The following CMTM8 variants were observed in gnomAD, a reference collection of about 807,000 sequenced individuals.
CMTM8 encodes the protein CKLF like MARVEL transmembrane domain containing 8, also known as CKLF-like MARVEL transmembrane domain-containing protein 8.
A neutral mutation model predicts 18.6 loss-of-function variants in CMTM8; 12 were observed. The observed-to-expected ratio is 0.65, with a 90% CI of 0.41 to 1.05. CMTM8 has a LOEUF of 1.05. CMTM8 is among the 50% of genes least tolerant of loss of function. The pLI is 0.00. For missense variants in CMTM8, 217 were observed against 227.2 expected (o/e 0.95, Z 0.29); for synonymous variants, 87 against 90.6 (o/e 0.96, Z 0.23).
chr3:32,368,016 C>A (rs757992098), intron 3 of CMTM8, 28 bp downstream of exon 3: 37 of 1,410,682 alleles, frequency 2.6e-5, no homozygotes, highest in Non-Finnish European at 3.2e-5. Flanking sequence ...CCCACATGAT[C>A]CTCCTCTTCC....
chr3:32,298,939 ATGTATATATATATATATT>A (rs1559373431), intron 1 of CMTM8, among the ~76,000 whole-genome samples: 79 of 69,564 alleles, frequency 1.1e-3, no homozygotes, highest in African/African-American at 3.0e-3. Flanking sequence ...ATATATATAT[ATGTATATATATATATATT>A]TTTTTTTTTT....
intron 1 of CMTM8, among the ~76,000 whole-genome samples, chr3:32,258,530 G>T (rs1161333952): frequency 6.6e-6 from 1 of 151,820 alleles, no homozygotes; most frequent in Non-Finnish European, 1.5e-5. Context: ...TGTTTTGTTT[G>T]TGATAGTCTT....
chr3:32,292,418 G>A (rs1050049330), intron 1 of CMTM8, among the ~76,000 whole-genome samples: 7 of 152,116 alleles, frequency 4.6e-5, no homozygotes, highest in African/African-American at 1.7e-4. Context: ...TTTCCCATAT[G>A]TTGCAACTTT....
At chr3:32,314,474 C>G (rs1366421058) in intron 1 of CMTM8, among the ~76,000 whole-genome samples, 1 of 114,608 alleles carries the variant, frequency 8.7e-6, no homozygotes, top group Non-Finnish European at 1.8e-5. Context: ...CAGAGTAAGC[C>G]AGAAAATTTT....
At chr3:32,346,041 A>C (rs59472236) in intron 1 of CMTM8, among the ~76,000 whole-genome samples, 12,304 of 152,160 alleles carry the variant, frequency 0.081, 585 homozygotes, top group East Asian at 0.18. Context: ...GTAGTCCCAC[A>C]GGCTTGGGAG....
At chr3:32,258,583 C>G (rs1702205898) in intron 1 of CMTM8, among the ~76,000 whole-genome samples, 1 of 152,054 alleles carries the variant, frequency 6.6e-6, no homozygotes, top group African/African-American at 2.4e-5. Context: ...GATCACAGTT[C>G]ACTAAAGCCT....
intron 1 of CMTM8, among the ~76,000 whole-genome samples, chr3:32,351,822 A>C (rs972953771): frequency 1.3e-5 from 2 of 152,146 alleles, no homozygotes; most frequent in Admixed American, 1.3e-4. Context: ...GTTGGTTACC[A>C]TCTCTCTTAT....
chr3:32,245,859 G>A (rs1702008383), intron 1 of CMTM8, among the ~76,000 whole-genome samples: 1 of 152,072 alleles, frequency 6.6e-6, no homozygotes, highest in African/African-American at 2.4e-5. Context: ...GAGTGCAGTG[G>A]CGTGATCTTA....
Position 32,239,014 on chromosome 3 carries a change from C to T in CMTM8, c.42C>T (p.Thr14=), listed in dbSNP as rs372448568. 4 of 1,563,622 alleles carry T rather than the reference C, an allele frequency of 2.6e-6. No individual in the cohort carries two copies. Among genetic ancestry groups the T allele is most frequent in the East Asian group, 4.8e-5 (2 of 41,482 alleles). The change falls in exon 1 of 4, where the codon ACC becomes ACT. Residue 14 remains threonine (T), a synonymous_variant. Transcript: ENST00000307526. ...GCGCCCGCTCGCACACAGTCACCAC[C>T]ACCGCCAGCTCCTTCGCAGAGAACT... The part of the protein sequence containing the change: ...PQRARSHTVT[T]TASSFAENFS...
At chr3:32,331,023 A>C (rs1054454547) in intron 1 of CMTM8, among the ~76,000 whole-genome samples, 2 of 152,212 alleles carry the variant, frequency 1.3e-5, no homozygotes, top group African/African-American at 4.8e-5. Flanking sequence ...CAGCAAAGGA[A>C]ACAATCATTA....
In CMTM8 at chr3:32,319,074, A is replaced by ATATTTTTTTTTTTT; in HGVS notation, c.148-38298_148-38297insATTTTTTTTTTTTT. Among the ~76,000 whole-genome samples, 5 of 31,528 alleles carry ATATTTTTTTTTTTT rather than the reference A, an allele frequency of 1.6e-4. 1 individual carries two copies. Among genetic ancestry groups the ATATTTTTTTTTTTT allele is most frequent in the African/African-American group, 3.1e-4 (2 of 6,548 alleles). The allele number at this position is 31,528 out of a possible 152,430, so 20.7% of individuals were successfully genotyped here. On this transcript the variant is annotated intron_variant, in intron 1 of 3. Coordinates refer to ENST00000307526, the MANE Select transcript of CMTM8 (RefSeq NM_178868.5). ...TGTATATACATATATATATATATAT[A>ATATTTTTTTTTTTT]TTTTTTTTTTTTTTTTTTTTTGAGA...
chr3:32,329,390 A>G (rs1262862397), intron 1 of CMTM8, among the ~76,000 whole-genome samples: 1 of 152,212 alleles, frequency 6.6e-6, no homozygotes, highest in Non-Finnish European at 1.5e-5. Context: ...TGAACAAAAT[A>G]CTAGTAAACC....
At position 32,367,950 on chromosome 3, in the gene CMTM8, A is replaced by AG; in HGVS notation, c.403dup (p.Asp135GlyfsTer47). 1 of 1,614,106 alleles carries AG rather than the reference A, an allele frequency of 6.2e-7. No individual in the cohort carries two copies. The highest frequency in any genetic ancestry group is 8.5e-7 in the Non-Finnish European group (1 of 1,179,976). On this transcript the variant is annotated frameshift_variant, in exon 3 of 4. Transcript: ENST00000307526. LOFTEE classifies it high-confidence loss of function. ...AGATGCATCTTCCGTCTCCCCTGAG[A>AG]GGGACAGTCACAACTTCAACAGCTG...
intron 1 of CMTM8, among the ~76,000 whole-genome samples, chr3:32,349,598 C>A (rs757237158): frequency 1.3e-5 from 2 of 152,100 alleles, no homozygotes; most frequent in African/African-American, 4.8e-5. Flanking sequence ...TTTTTGATTG[C>A]CATTAAGAGT....
At chr3:32,345,740 T>C (rs1696584018) in intron 1 of CMTM8, among the ~76,000 whole-genome samples, 1 of 152,202 alleles carries the variant, frequency 6.6e-6, no homozygotes. Flanking sequence ...CACCATCACT[T>C]GTGTTCTGGA....
chr3:32,357,617 A>G, intron 2 of CMTM8, 71 bp downstream of exon 2: 1 of 1,448,636 alleles, frequency 6.9e-7, no homozygotes, highest in Admixed American at 1.9e-5. Flanking sequence ...CTACTAGTCA[A>G]TCCAAGACTG....
rs1000459452 is a variant in CMTM8, at chr3:32,370,083, T to G, written c.*116T>G. The G allele has an allele frequency of 3.7e-6, 2 of 540,530 alleles. No individual in the cohort carries two copies. The highest frequency in any genetic ancestry group is 3.2e-5 in the Admixed American group (1 of 31,038). 33.5% of individuals were successfully genotyped at this position (540,530 alleles called of 1,614,324 possible). A position where few individuals can be genotyped will look rare whatever the true frequency, so the allele number is the denominator to read the frequency against. On this transcript the variant is annotated 3_prime_UTR_variant, in exon 4 of 4. Coordinates refer to ENST00000307526, the MANE Select transcript of CMTM8 (RefSeq NM_178868.5). ...ATTTAACTAATTAATGTTTTTTATATTCTTAAATTTGCTCACAAATTGTGG... is the reference window on the plus strand; with the variant it reads ...ATTTAACTAATTAATGTTTTTTATAGTCTTAAATTTGCTCACAAATTGTGG...
At chr3:32,339,941 C>T (rs1696461587) in intron 1 of CMTM8, among the ~76,000 whole-genome samples, 1 of 151,908 alleles carries the variant, frequency 6.6e-6, no homozygotes, top group Non-Finnish European at 1.5e-5. Context: ...CCAGCCTGGG[C>T]GACAGAGTGA....
intron 1 of CMTM8, chr3:32,259,112 T>C: frequency 2.5e-6 from 1 of 399,240 alleles, no homozygotes. Flanking sequence ...TCCACCAGCT[T>C]CCAGGGTGGC....
Sources: gnomAD v4.1 joint callset for allele counts (sites outside exome capture counted in the v4.1 genomes callset) on GRCh38, gnomAD v4.1.1 for gene constraint, MANE v1.5 for transcripts, NCBI Gene and HGNC (gene_info 2026-07-23, HGNC 2026-07-21) for gene names.